The following CFAP54 variants were observed in gnomAD, a reference collection of about 807,000 sequenced individuals.
CFAP54 encodes the protein cilia- and flagella-associated protein 54.
In CFAP54, 290 loss-of-function variants were observed where a neutral mutation model predicts 370.4. The ratio of observed to expected loss-of-function variants is 0.78; its 90% CI spans 0.71 to 0.86. CFAP54 has a LOEUF of 0.86. Ranked by LOEUF, CFAP54 falls within the 40% of genes least tolerant of loss-of-function variation. CFAP54 has a pLI of 0.00. For missense variants in CFAP54, 3,399 were observed against 3,528.7 expected (o/e 0.96, Z 0.93); for synonymous variants, 1,206 against 1,236.5 (o/e 0.98, Z 0.52).
chr12:96,675,887 A>G (rs1409426626), intron 39 of CFAP54, among the ~76,000 whole-genome samples: 1 of 149,212 alleles, frequency 6.7e-6, no homozygotes, highest in Non-Finnish European at 1.5e-5. Context: ...GAATTGAAGG[A>G]TGAGAATACA....
At chr12:96,745,240 C>T (rs1214375647) in intron 55 of CFAP54, among the ~76,000 whole-genome samples, 1 of 151,964 alleles carries the variant, frequency 6.6e-6, no homozygotes. Context: ...TATTTCTGCC[C>T]CTAGTCTTTG....
At chr12:96,816,366 T>C (rs1281307854) in intron 64 of CFAP54, among the ~76,000 whole-genome samples, 1 of 152,204 alleles carries the variant, frequency 6.6e-6, no homozygotes, top group African/African-American at 2.4e-5. Context: ...TCTCTGTTTG[T>C]CTATTATTGG....
intron 51 of CFAP54, among the ~76,000 whole-genome samples, chr12:96,741,546 C>G (rs1958051791): frequency 6.6e-6 from 1 of 152,084 alleles, no homozygotes; most frequent in Non-Finnish European, 1.5e-5. Flanking sequence ...CCCTTTAGGC[C>G]CCATTAGCTA....
chr12:96,640,155 G>A (rs576104739), intron 32 of CFAP54, among the ~76,000 whole-genome samples: 61 of 152,204 alleles, frequency 4.0e-4, no homozygotes, highest in African/African-American at 1.4e-3. Context: ...GTTTGCAGAC[G>A]ACATGATTAT....
At chr12:96,628,385 G>A (rs1209688941) in intron 30 of CFAP54, among the ~76,000 whole-genome samples, 1 of 152,202 alleles carries the variant, frequency 6.6e-6, no homozygotes, top group Non-Finnish European at 1.5e-5. Flanking sequence ...TCTGCTGTGC[G>A]TGGAGGAGAA....
Position 96,720,480 on chromosome 12 carries a change from T to C in CFAP54, c.6880T>C (p.Cys2294Arg). ...SEVEQKTLSQ[C>R]SAGELEIVVE... ...GGTGGAACAGAAGACCCTGTCTCAG[T>C]GCTCCGCTGGCGAGCTGGAGATTGT... The change falls in exon 50 of 68, where the codon TGC becomes CGC. Residue 2294 changes from cysteine to arginine, a missense_variant. Physicochemically the swap from Cys to Arg is radical, Grantham distance 180 (BLOSUM62 -3). Transcript: ENST00000524981. 3 of 1,605,948 alleles carry C rather than the reference T, an allele frequency of 1.9e-6. No individual in the cohort carries two copies. Among genetic ancestry groups the C allele is most frequent in the Non-Finnish European group, 2.6e-6 (3 of 1,175,564 alleles).
At chr12:96,581,213 C>T (rs550986251) in intron 22 of CFAP54, 108 bp downstream of exon 22, 525 of 702,248 alleles carry the variant, frequency 7.5e-4, no homozygotes, top group Non-Finnish European at 1.0e-3. Context: ...TCTAAAGCTC[C>T]TATAACACAT....
intron 19 of CFAP54, among the ~76,000 whole-genome samples, chr12:96,566,845 G>A (rs1280947613): frequency 1.3e-5 from 2 of 152,132 alleles, no homozygotes; most frequent in African/African-American, 4.8e-5. Context: ...GAGTATAGAA[G>A]GGGGGAATCT....
intron 17 of CFAP54, among the ~76,000 whole-genome samples, chr12:96,561,989 T>C (rs1478360920): frequency 6.6e-6 from 1 of 152,030 alleles, no homozygotes; most frequent in African/African-American, 2.4e-5. Context: ...TTTCACCATG[T>C]TGGCCAGGCT....
chr12:96,670,399 A>C (rs1316954907), intron 39 of CFAP54, among the ~76,000 whole-genome samples: 1 of 152,230 alleles, frequency 6.6e-6, no homozygotes, highest in East Asian at 1.9e-4. Flanking sequence ...TATTGTCTCT[A>C]TTTTTCAGGC....
chr12:96,649,890 G>A lies in CFAP54; in HGVS notation c.4691-1G>A. 6.3e-7 allele frequency: 1 copy of A among 1,580,404 alleles called. No individual in the cohort carries two copies. ...TGTCATATCTTATTTTTGTACTGTA[G>A]ATGCTGAAGAATTTTCTACATTTAT... On this transcript the variant is annotated splice_acceptor_variant, in intron 34 of 67. Coordinates refer to ENST00000524981, the MANE Select transcript of CFAP54 (RefSeq NM_001306084.2). LOFTEE classifies it high-confidence loss of function.
chr12:96,676,234 G>T (rs1957207394), intron 39 of CFAP54, among the ~76,000 whole-genome samples: 1 of 152,130 alleles, frequency 6.6e-6, no homozygotes, highest in Admixed American at 6.6e-5. Context: ...TGGTGAGAGG[G>T]ATGCTCTGGA....
chr12:96,664,781 A>ATCTATATCTATATC (rs1565934511), intron 39 of CFAP54, among the ~76,000 whole-genome samples: 160 of 25,844 alleles, frequency 6.2e-3, no homozygotes, highest in East Asian at 0.023. Flanking sequence ...CTATATCTAT[A>ATCTATATCTATATC]TATATATATA....
chr12:96,823,321 T>C (rs551600899), intron 65 of CFAP54, among the ~76,000 whole-genome samples: 1 of 152,320 alleles, frequency 6.6e-6, no homozygotes, highest in South Asian at 2.1e-4. Flanking sequence ...CTCTTGACTG[T>C]GAATTCCTTT....
At position 96,534,023 on chromosome 12, in the gene CFAP54, T is replaced by C. The variant is rs542362190; in HGVS notation, c.1540-39T>C. On this transcript the variant is annotated intron_variant, in intron 10 of 67. Coordinates refer to ENST00000524981, the MANE Select transcript of CFAP54 (RefSeq NM_001306084.2). ...TGGTTTTTTTTTTGTTAAAATGACATCCAATTACTAATTAACGTGTGGGAT... is the reference window on the plus strand; with the variant it reads ...TGGTTTTTTTTTTGTTAAAATGACACCCAATTACTAATTAACGTGTGGGAT... 63 of 1,499,766 alleles carry C rather than the reference T, an allele frequency of 4.2e-5. No individual in the cohort carries two copies. The East Asian group carries it at 1.5e-3, about 35-fold the overall frequency. The allele number at this position is 1,499,766 out of a possible 1,614,324, so 92.9% of individuals were successfully genotyped here. A position where few individuals can be genotyped will look rare whatever the true frequency, so the allele number is the denominator to read the frequency against.
At chr12:96,540,543 A>G (rs1955559004) in intron 13 of CFAP54, among the ~76,000 whole-genome samples, 2 of 152,258 alleles carry the variant, frequency 1.3e-5, no homozygotes, top group African/African-American at 2.4e-5. Context: ...ACTGATATGT[A>G]CAAATAACAG....
intron 40 of CFAP54, among the ~76,000 whole-genome samples, chr12:96,683,495 A>T (rs529609921): frequency 6.6e-6 from 1 of 152,336 alleles, no homozygotes; most frequent in South Asian, 2.1e-4. Flanking sequence ...TACCCTTTTT[A>T]TGTGGAAAAC....
At chr12:96,845,349 G>A (rs1959309314) in intron 66 of CFAP54, among the ~76,000 whole-genome samples, 1 of 152,158 alleles carries the variant, frequency 6.6e-6, no homozygotes, top group Non-Finnish European at 1.5e-5. Flanking sequence ...GCCTGTCGTG[G>A]CTCCTGCATT....
chr12:96,684,669 A>G lies in CFAP54; in HGVS notation c.5738A>G (p.Gln1913Arg). Residue 1913 changes from glutamine (Q) to arginine (R), a missense_variant, in exon 41 of 68, where the codon CAA (glutamine) becomes CGA (arginine). This residue lies in a region of CFAP54 where 2,796 missense variants were observed against 2,869.7 expected (regional missense o/e 0.97). Transcript: ENST00000524981. ...QTQDVLQASN[Q>R]RSLKVQALHS... is the part of the protein sequence containing the mutation. The stretch of plus-strand genomic sequence containing the variant: ...ATAGATGTTCTCCAAGCCAGCAATC[A>G]AAGAAGTCTTAAAGTTCAGGCGTTG... 1 of 1,612,408 alleles carries G rather than the reference A, an allele frequency of 6.2e-7. No individual in the cohort carries two copies. The highest frequency in any genetic ancestry group is 1.1e-5 in the South Asian group (1 of 90,472).
Sources: gnomAD v4.1 joint callset for allele counts (sites outside exome capture counted in the v4.1 genomes callset) on GRCh38, gnomAD v4.1.1 for gene constraint, gnomAD v4.1.1 regional missense constraint, MANE v1.5 for transcripts, NCBI Gene and HGNC (gene_info 2026-07-23, HGNC 2026-07-21) for gene names.